Variants in NLK observed in about 807,000 individuals in gnomAD.
NLK encodes serine/threonine-protein kinase NLK.
NLK carries 11 observed loss-of-function variants against 59.0 expected under a neutral mutation model. The ratio of observed to expected loss-of-function variants is 0.19; its 90% confidence interval spans 0.12 to 0.31. The LOEUF (loss-of-function observed/expected upper bound fraction) is 0.31. NLK is among the 10% of genes least tolerant of loss of function. The pLI is 1.00. For synonymous variants in NLK, 235 were observed against 235.9 expected, an observed-to-expected ratio of 1.00 and a Z score of 0.03; for missense variants, 410 against 661.1, an observed-to-expected ratio of 0.62 and a Z score of 4.16.
downstream of NLK, among the ~76,000 whole-genome samples, chr17:28,200,329 G>C (rs995396226): frequency 1.3e-5 from 2 of 151,976 alleles, no homozygotes; most frequent in African/African-American, 4.8e-5. Context: ...GCTAATTTTT[G>C]TATAAGTTGT....
chr17:28,194,559 T>C, intron 10 of NLK, 23 bp from the exon 11 acceptor site: 2 of 1,563,040 alleles, frequency 1.3e-6, no homozygotes, highest in Non-Finnish European at 8.8e-7. Flanking sequence ...ACAACTAATT[T>C]CTCCATCTCT....
intron 1 of NLK, among the ~76,000 whole-genome samples, chr17:28,077,278 A>G (rs1176040120): frequency 6.6e-6 from 1 of 151,762 alleles, no homozygotes; most frequent in African/African-American, 2.4e-5. Context: ...AGGCCTCAGA[A>G]TCATGGTGGG....
intron 1 of NLK, among the ~76,000 whole-genome samples, chr17:28,069,626 G>A (rs1373619729): frequency 1.3e-5 from 2 of 152,096 alleles, no homozygotes; most frequent in African/African-American, 2.4e-5. Flanking sequence ...TTACCATGAT[G>A]GCTAATGATG....
At chr17:28,174,752 A>T (rs1323147353) in intron 7 of NLK, among the ~76,000 whole-genome samples, 1 of 152,074 alleles carries the variant, frequency 6.6e-6, no homozygotes, top group Non-Finnish European at 1.5e-5. Flanking sequence ...TATCATCGCT[A>T]CTCTCATGAG....
chr17:28,142,736 G>A (rs1317073253), intron 3 of NLK, among the ~76,000 whole-genome samples: 1 of 151,904 alleles, frequency 6.6e-6, no homozygotes, highest in African/African-American at 2.4e-5. Flanking sequence ...AAAAAAAAAC[G>A]AGCAGGAGAT....
chr17:28,069,249 A>G (rs1315033696), intron 1 of NLK, among the ~76,000 whole-genome samples: 1 of 152,220 alleles, frequency 6.6e-6, no homozygotes, highest in Non-Finnish European at 1.5e-5. Context: ...GCTTGCACAT[A>G]TCAGTGTTTT....
intron 1 of NLK, among the ~76,000 whole-genome samples, chr17:28,070,740 TTAATTTTAAAGTAAAATAC>T (rs1250150821): frequency 6.6e-6 from 1 of 151,620 alleles, no homozygotes; most frequent in East Asian, 1.9e-4. Context: ...AAGTAAAATA[TTAATTTTAAAGTAAAATAC>T]TAATTTTAAA....
chr17:28,057,503 T>C (rs531991444), intron 1 of NLK, among the ~76,000 whole-genome samples: 1 of 152,340 alleles, frequency 6.6e-6, no homozygotes, highest in South Asian at 2.1e-4. Flanking sequence ...AAATCAAACA[T>C]GTACCAGTCA....
chr17:28,129,955 A>T (rs1420536096), intron 2 of NLK, among the ~76,000 whole-genome samples: 1 of 152,194 alleles, frequency 6.6e-6, no homozygotes, highest in Non-Finnish European at 1.5e-5. Flanking sequence ...TGTTTCTTAA[A>T]AGATTTGTGA....
chr17:28,059,625 C>T (rs12603315), intron 1 of NLK, among the ~76,000 whole-genome samples: 2,689 of 152,212 alleles, frequency 0.018, 89 homozygotes, highest in East Asian at 0.17. Flanking sequence ...GTTTTATAAA[C>T]GTATGAATAA....
chr17:28,098,849 AT>A (rs1210497076), intron 1 of NLK, among the ~76,000 whole-genome samples: 1 of 151,766 alleles, frequency 6.6e-6, no homozygotes, highest in Non-Finnish European at 1.5e-5. Flanking sequence ...CGCTCGGCTA[AT>A]TTTTTATTTT....
At chr17:28,202,915 C>T in the NLK span, among the ~76,000 whole-genome samples, 1 of 151,006 alleles carries the variant, frequency 6.6e-6, no homozygotes, top group African/African-American at 2.4e-5. Flanking sequence ...AACTCCTGAC[C>T]TCATAATCTG....
chr17:28,174,419 C>T (rs1346129366), intron 7 of NLK, among the ~76,000 whole-genome samples: 1 of 152,006 alleles, frequency 6.6e-6, no homozygotes, highest in African/African-American at 2.4e-5. Flanking sequence ...AAGTTAGGGG[C>T]AGCCCTTTCC....
downstream of NLK, among the ~76,000 whole-genome samples, chr17:28,197,468 C>CAAA (rs1158938151): frequency 1.2e-5 from 1 of 84,636 alleles, no homozygotes; most frequent in Non-Finnish European, 2.6e-5. Context: ...GATTCTGTCT[C>CAAA]AAAAAAAAAA....
chr17:28,158,738 T>C (rs2142045558), intron 3 of NLK, among the ~76,000 whole-genome samples: 1 of 152,294 alleles, frequency 6.6e-6, no homozygotes, highest in Non-Finnish European at 1.5e-5. Context: ...CAAGTAATCC[T>C]TCCACCTCAG....
chr17:28,188,976 C>CACAG (rs1050489701), intron 8 of NLK, among the ~76,000 whole-genome samples: 11 of 142,780 alleles, frequency 7.7e-5, no homozygotes, highest in African/African-American at 3.0e-4. Context: ...CACAGACAAA[C>CACAG]ACAGACACAC....
intron 4 of NLK, among the ~76,000 whole-genome samples, chr17:28,162,673 A>G (rs1348840213): frequency 6.6e-6 from 1 of 152,178 alleles, no homozygotes; most frequent in Non-Finnish European, 1.5e-5. Context: ...AGATTTGTTC[A>G]TATTCTATGG....
At chr17:28,052,441 A>G (rs953990191) in intron 1 of NLK, among the ~76,000 whole-genome samples, 1 of 152,188 alleles carries the variant, frequency 6.6e-6, no homozygotes, top group Non-Finnish European at 1.5e-5. Flanking sequence ...TGGGCCTCCC[A>G]GAAAATGAGC....
At chr17:28,171,268 C>T (rs1477054650) in intron 6 of NLK, 1 of 152,118 alleles carries the variant, frequency 6.6e-6, no homozygotes, top group African/African-American at 2.4e-5. Flanking sequence ...ATGGCTACCC[C>T]ATGGTTTAGA....
Sources: gnomAD v4.1 joint callset for allele counts (sites outside exome capture counted in the v4.1 genomes callset) on GRCh38, gnomAD v4.1.1 for gene constraint, MANE v1.5 for transcripts, NCBI Gene and HGNC (gene_info 2026-07-23, HGNC 2026-07-21) for gene names.